METTL9: variants seen among roughly 807,000 people sequenced by gnomAD.
METTL9 encodes protein-L-histidine N-pros-methyltransferase.
METTL9 carries 10 observed loss-of-function variants against 36.0 expected under a neutral mutation model. That is an observed-to-expected ratio of 0.28 (90% confidence interval 0.17 to 0.47). The LOEUF (loss-of-function observed/expected upper bound fraction) is 0.47, where lower values mean the gene tolerates loss of function less well. Ranked by LOEUF, METTL9 falls within the 20% of genes least tolerant of loss-of-function variation. METTL9 has a pLI of 0.99. For synonymous variants in METTL9, 175 were observed against 149.7 expected (o/e 1.17, Z -1.23); for missense variants, 246 against 383.5 (o/e 0.64, Z 3.00).
intron 4 of METTL9, among the ~76,000 whole-genome samples, chr16:21,649,236 G>A (rs1423145290): frequency 6.6e-6 from 1 of 152,108 alleles, no homozygotes; most frequent in Non-Finnish European, 1.5e-5. Context: ...CAAGCGACCC[G>A]CTTGCCTCGG....
intron 4 of METTL9, among the ~76,000 whole-genome samples, chr16:21,629,202 T>G (rs913223731): frequency 1.1e-4 from 16 of 152,088 alleles, no homozygotes; most frequent in South Asian, 4.1e-4. Flanking sequence ...GACTGCGTGT[T>G]TGTTTGTGTT....
chr16:21,621,505 T>G (rs1008403205), intron 3 of METTL9, among the ~76,000 whole-genome samples: 14 of 151,958 alleles, frequency 9.2e-5, no homozygotes, highest in African/African-American at 2.9e-4. Context: ...TTTTTGTATT[T>G]TAGCAGAGAT....
chr16:21,637,177 A>G (rs1966120808), intron 4 of METTL9, among the ~76,000 whole-genome samples: 1 of 152,124 alleles, frequency 6.6e-6, no homozygotes. Flanking sequence ...ATCTGGCCCC[A>G]CCAACATCCT....
intron 4 of METTL9, among the ~76,000 whole-genome samples, chr16:21,637,966 A>G (rs1966148270): frequency 2.0e-5 from 3 of 152,238 alleles, no homozygotes; most frequent in Non-Finnish European, 2.9e-5. Context: ...AAGTAAAACA[A>G]GTTGTTTCAG....
At chr16:21,625,920 CAG>C (rs1212480272) in intron 4 of METTL9, among the ~76,000 whole-genome samples, 3 of 152,000 alleles carry the variant, frequency 2.0e-5, no homozygotes, top group Admixed American at 6.6e-5. Flanking sequence ...TTTTTTGAGA[CAG>C]AGCCTTGCTC....
chr16:21,602,136 G>A (rs1052155798), intron 1 of METTL9, among the ~76,000 whole-genome samples: 17 of 152,142 alleles, frequency 1.1e-4, no homozygotes, highest in African/African-American at 4.1e-4. Context: ...GGTCTTCTAA[G>A]TGTTCAGTTG....
intron 1 of METTL9, among the ~76,000 whole-genome samples, chr16:21,611,189 T>C (rs1965416905): frequency 6.6e-6 from 1 of 152,188 alleles, no homozygotes. Context: ...AGTCCACAAC[T>C]GGAAAGGTTT....
Position 21,599,777 on chromosome 16 carries a change from T to C in METTL9, c.44T>C (p.Val15Ala). Residue 15 changes from valine to alanine, a missense_variant, in exon 1 of 5, where the codon GTG becomes GCG. Physicochemically the swap from Val to Ala is moderately conservative, Grantham distance 64. Transcript: ENST00000358154. This position sits in a 1 kb window ranked among gnomAD's most constrained non-coding sequence, Gnocchi z 4.4. ...TGGCTGTGCCTGAGCCTGGCGTCCG[T>C]GTGGCTGGCGCGGAGGATGTGGACG... ...AGWLCLSLAS[V>A]WLARRMWTLR... is the part of the protein sequence containing the mutation. The C allele has an allele frequency of 2.6e-6, 4 of 1,545,676 alleles. No homozygotes were observed. Among genetic ancestry groups the C allele is most frequent in the Non-Finnish European group, 3.5e-6 (4 of 1,153,162 alleles).
intron 4 of METTL9, chr16:21,646,982 C>T (rs775253708): frequency 2.0e-5 from 21 of 1,039,654 alleles, no homozygotes; most frequent in South Asian, 4.0e-5. Context: ...GTCCAAACCT[C>T]ATGGTGACTT....
At position 21,607,231 on chromosome 16, in the gene METTL9, C is replaced by T. The variant is rs150117803; in HGVS notation, c.166-5414C>T. Reference sequence around the variant, plus strand: ...CTGGAATTATAGGTTCCTGCCACCACGCCTGGCTAATTTTTGTATTTTTAG... The same window carrying T: ...CTGGAATTATAGGTTCCTGCCACCATGCCTGGCTAATTTTTGTATTTTTAG... On this transcript the variant is annotated intron_variant, in intron 1 of 4. Coordinates refer to ENST00000358154, the MANE Select transcript of METTL9 (RefSeq NM_016025.5). 1.1e-4 allele frequency among the ~76,000 whole-genome samples: 16 copies of T among 152,162 alleles called. No homozygotes were observed. In the East Asian group the frequency reaches 2.7e-3, roughly 26 times the overall value.
At chr16:21,637,579 C>G (rs1307342234) in intron 4 of METTL9, among the ~76,000 whole-genome samples, 1 of 152,250 alleles carries the variant, frequency 6.6e-6, no homozygotes, top group Non-Finnish European at 1.5e-5. Context: ...CTTTGTGGCA[C>G]CTAGCCTGGG....
chr16:21,608,108 CA>C (rs1965337075), intron 1 of METTL9, among the ~76,000 whole-genome samples: 1 of 152,040 alleles, frequency 6.6e-6, no homozygotes, highest in African/African-American at 2.4e-5. Context: ...TAGATCACAC[CA>C]CTGCACTCCA....
At chr16:21,634,460 C>A (rs1966036459) in intron 4 of METTL9, among the ~76,000 whole-genome samples, 1 of 152,148 alleles carries the variant, frequency 6.6e-6, no homozygotes, top group African/African-American at 2.4e-5. Flanking sequence ...TTAAAGTGTC[C>A]TTGTAAACCA....
At chr16:21,602,819 A>G (rs540841524) in intron 1 of METTL9, among the ~76,000 whole-genome samples, 72 of 152,116 alleles carry the variant, frequency 4.7e-4, no homozygotes, top group Admixed American at 1.6e-3. Context: ...CACCACGCCC[A>G]GATAATTTTT....
rs1157548880 is a variant in METTL9 at position 21,599,856 on chromosome 16, T to TGGGCCGGCGGCGGCCGCGGGC, written c.126_146dup (p.Pro43_Gly49dup). 2.7e-6 allele frequency: 4 copies of TGGGCCGGCGGCGGCCGCGGGC among 1,501,110 alleles called. No homozygotes were observed. Among genetic ancestry groups the TGGGCCGGCGGCGGCCGCGGGC allele is most frequent in the East Asian group, 2.8e-5 (1 of 35,140 alleles). The allele number at this position is 1,501,110 out of a possible 1,614,324, so 93.0% of individuals were successfully genotyped here. ...ACGTGAACATGACTAGCGGCCCGGG[T>TGGGCCGGCGGCGGCCGCGGGC]GGGCCGGCGGCGGCCGCGGGCGGCA... On this transcript the variant is annotated inframe_insertion, in exon 1 of 5. Coordinates refer to ENST00000358154, the MANE Select transcript of METTL9 (RefSeq NM_016025.5). The surrounding 1 kb of genome is among the most constrained non-coding windows in gnomAD (Gnocchi z 4.4).
At chr16:21,622,717 A>G (rs572336056) in intron 3 of METTL9, among the ~76,000 whole-genome samples, 6 of 152,272 alleles carry the variant, frequency 3.9e-5, no homozygotes, top group African/African-American at 1.2e-4. Flanking sequence ...TATAGATTTA[A>G]CTGTCTTAGT....
chr16:21,598,951 C>T (rs1178713025), upstream of METTL9, among the ~76,000 whole-genome samples: 1 of 152,120 alleles, frequency 6.6e-6, no homozygotes, highest in African/African-American at 2.4e-5. Context: ...ACTTCTCAGG[C>T]TTGGGGAACG....
chr16:21,600,062 A>C (rs1965074234), intron 1 of METTL9, among the ~76,000 whole-genome samples, 164 bp downstream of exon 1: 2 of 150,206 alleles, frequency 1.3e-5, no homozygotes, highest in Non-Finnish European at 1.5e-5. Context: ...CCGGGCGTCG[A>C]CTCCGCGAGC....
chr16:21,653,497 G>A (rs1243317217), intron 4 of METTL9: 1 of 152,208 alleles, frequency 6.6e-6, no homozygotes, highest in Non-Finnish European at 1.5e-5. Flanking sequence ...ACAGACTCAG[G>A]CTGACTTAAA....
Sources: allele counts gnomAD v4.1 joint callset (sites outside exome capture counted in the v4.1 genomes callset), GRCh38; gene constraint gnomAD v4.1.1; non-coding constraint Gnocchi (gnomAD v3.1); transcripts MANE v1.5; gene names NCBI Gene and HGNC (gene_info 2026-07-23, HGNC 2026-07-21).